The following DLGAP4 variants were observed in gnomAD, a reference collection of about 807,000 sequenced individuals.
DLGAP4 encodes DLG associated protein 4, also known as disks large-associated protein 4.
A neutral mutation model predicts 86.9 loss-of-function variants in DLGAP4; 18 were observed. The ratio of observed to expected loss-of-function variants is 0.21; its 90% CI spans 0.14 to 0.31. The LOEUF (loss-of-function observed/expected upper bound fraction) is 0.31. DLGAP4 is among the 10% of genes least tolerant of loss of function. The pLI, the probability that DLGAP4 is intolerant of heterozygous loss-of-function variation, is 1.00. For synonymous variants in DLGAP4, 548 were observed against 574.3 expected, an observed-to-expected ratio of 0.95 and a Z score of 0.65; for missense variants, 1,085 against 1,362.6, an observed-to-expected ratio of 0.80 and a Z score of 3.21.
chr20:36,503,479 C>CTTTTTTTTT (rs982287997), intron 10 of DLGAP4, among the ~76,000 whole-genome samples: 3 of 109,908 alleles, frequency 2.7e-5, no homozygotes, highest in African/African-American at 9.6e-5. Context: ...CATATATGGC[C>CTTTTTTTTT]TTTTTTTTTT....
chr20:36,462,149 C>A (rs946240990), intron 7 of DLGAP4: 61 of 1,030,356 alleles, frequency 5.9e-5, no homozygotes, highest in Non-Finnish European at 6.9e-5. Flanking sequence ...TCTGGGTGTT[C>A]CCCATATCCA....
intron 12 of DLGAP4, among the ~76,000 whole-genome samples, chr20:36,526,299 A>G (rs1600729282): frequency 7.1e-6 from 1 of 140,932 alleles, no homozygotes; most frequent in East Asian, 1.9e-4. Context: ...GGAGGCAGCA[A>G]AAATGGTCCC....
intron 6 of DLGAP4, among the ~76,000 whole-genome samples, chr20:36,445,752 G>A (rs766823681): frequency 4.3e-4 from 66 of 152,102 alleles, no homozygotes; most frequent in Non-Finnish European, 8.1e-4. Context: ...GCCCCCTCCC[G>A]CTGTGGCCCA....
At chr20:36,474,751 G>A (rs1272632825) in intron 7 of DLGAP4, among the ~76,000 whole-genome samples, 1 of 152,124 alleles carries the variant, frequency 6.6e-6, no homozygotes, top group African/African-American at 2.4e-5. Flanking sequence ...GAAGGGTGGG[G>A]GGTGGAGGGC....
intron 10 of DLGAP4, among the ~76,000 whole-genome samples, chr20:36,507,172 G>A (rs931791909): frequency 2.0e-5 from 3 of 151,526 alleles, no homozygotes; most frequent in African/African-American, 7.3e-5. Context: ...ATTAAATTCT[G>A]TACATCCACT....
chr20:36,308,783 A>G lies in DLGAP4; in HGVS notation c.-304+2271A>G, dbSNP rs987096238. 2.6e-5 allele frequency among the ~76,000 whole-genome samples: 4 copies of G among 152,238 alleles called. No homozygotes were observed. Among genetic ancestry groups the G allele is most frequent in the African/African-American group, 9.6e-5 (4 of 41,454 alleles). On this transcript the variant is annotated intron_variant, in intron 1 of 12. Transcript: ENST00000339266. The surrounding 1 kb of genome is among the most constrained non-coding windows in gnomAD (Gnocchi z 4.5). ...ATACTTCCGTGATGGGTATTCATTC[A>G]TTCAGAAAAGCATTAGAAAATCGCA...
intron 3 of DLGAP4, among the ~76,000 whole-genome samples, chr20:36,433,363 A>C (rs1416732903): frequency 1.3e-5 from 2 of 152,220 alleles, no homozygotes; most frequent in African/African-American, 4.8e-5. Context: ...TTCTTCTTTC[A>C]AATGCCAACA....
At position 36,389,869 on chromosome 20, in the gene DLGAP4, T is replaced by G. The variant is rs113837816; in HGVS notation, c.-73+22594T>G. Among the ~76,000 whole-genome samples, 801 of 152,284 alleles carry G rather than the reference T, an allele frequency of 5.3e-3. 8 individuals are homozygous for G. Among genetic ancestry groups the G allele is most frequent in the Middle Eastern group, 0.014 (4 of 294 alleles). ...AGAGTATCCATGTCCTCAGAGCCAT[T>G]CATACAGTAAATACAGTAACAACAG... On this transcript the variant is annotated intron_variant, in intron 2 of 12. Transcript: ENST00000339266.
chr20:36,473,695 C>T (rs2034780757), intron 7 of DLGAP4, among the ~76,000 whole-genome samples: 1 of 152,202 alleles, frequency 6.6e-6, no homozygotes, highest in Non-Finnish European at 1.5e-5. Flanking sequence ...AGCAGTCTGC[C>T]CGCCTTGGCC....
At chr20:36,444,670 TCGTTTTATCACCCAGGTTGGAGTG>T (rs2147573483) in intron 6 of DLGAP4, among the ~76,000 whole-genome samples, 1 of 152,224 alleles carries the variant, frequency 6.6e-6, no homozygotes, top group African/African-American at 2.4e-5. Flanking sequence ...AGATGGAGTC[TCGTTTTATCACCCAGGTTGGAGTG>T]CAGTTGCCCA....
chr20:36,369,478 A>G (rs1230205399), intron 2 of DLGAP4, among the ~76,000 whole-genome samples: 1 of 152,166 alleles, frequency 6.6e-6, no homozygotes, highest in African/African-American at 2.4e-5. Context: ...TTGTAATCTC[A>G]GCTACTTGGG....
At chr20:36,416,661 G>C (rs1490439267) in intron 2 of DLGAP4, among the ~76,000 whole-genome samples, 1 of 152,180 alleles carries the variant, frequency 6.6e-6, no homozygotes, top group Non-Finnish European at 1.5e-5. Flanking sequence ...CGACTTTTAA[G>C]GTCAGGGAAG....
intron 6 of DLGAP4, 41 bp from the exon 7 acceptor site, chr20:36,446,656 C>A: frequency 1.3e-6 from 2 of 1,560,934 alleles, no homozygotes; most frequent in South Asian, 1.2e-5. Flanking sequence ...CCAGGATGGG[C>A]AAGATAGCCA....
chr20:36,445,381 A>G (rs2033563630), intron 6 of DLGAP4, among the ~76,000 whole-genome samples: 1 of 152,086 alleles, frequency 6.6e-6, no homozygotes. Context: ...GCACCTGCCT[A>G]TAGTCCCAGC....
intron 11 of DLGAP4, 150 bp downstream of exon 11, chr20:36,524,491 T>A: frequency 1.5e-6 from 1 of 652,386 alleles, no homozygotes; most frequent in Non-Finnish European, 2.6e-6. Flanking sequence ...GCAATGTGTG[T>A]CAGTGTCTAG....
At chr20:36,497,302 G>GGTT in intron 8 of DLGAP4, 1 of 1,382,478 alleles carries the variant, frequency 7.2e-7, no homozygotes, top group Non-Finnish European at 9.4e-7. Flanking sequence ...TCCTCCAGTG[G>GGTT]GTTGTCCCAG....
chr20:36,491,272 A>C (rs1005134341), intron 7 of DLGAP4, among the ~76,000 whole-genome samples: 6 of 152,112 alleles, frequency 3.9e-5, no homozygotes, highest in Non-Finnish European at 8.8e-5. Flanking sequence ...GGTAGAAGAC[A>C]GAAATAATGA....
At chr20:36,441,690 C>T (rs1236271788) in intron 5 of DLGAP4, among the ~76,000 whole-genome samples, 2 of 152,162 alleles carry the variant, frequency 1.3e-5, no homozygotes, top group Non-Finnish European at 2.9e-5. Context: ...CATCCCACCA[C>T]GTTTTCTCGT....
intron 2 of DLGAP4, among the ~76,000 whole-genome samples, chr20:36,386,461 G>C (rs1025904951): frequency 1.3e-5 from 2 of 150,500 alleles, no homozygotes; most frequent in Non-Finnish European, 3.0e-5. Context: ...GAGGGAAGAA[G>C]GAAGAGAAGA....
Sources: allele counts gnomAD v4.1 joint callset (sites outside exome capture counted in the v4.1 genomes callset), GRCh38; gene constraint gnomAD v4.1.1; non-coding constraint Gnocchi (gnomAD v3.1); transcripts MANE v1.5; gene names NCBI Gene and HGNC (gene_info 2026-07-23, HGNC 2026-07-21).